The following NELL2 variants were observed in gnomAD, a reference collection of about 807,000 sequenced individuals.
NELL2 encodes the protein neural EGFL like 2.
A neutral mutation model predicts 109.6 loss-of-function variants in NELL2; 41 were observed. The ratio of observed to expected loss-of-function variants is 0.37; its 90% confidence interval spans 0.29 to 0.49. The LOEUF is 0.49. NELL2 is among the 20% of genes least tolerant of loss of function. The pLI is 0.98. For synonymous variants in NELL2, 355 were observed against 344.7 expected, an observed-to-expected ratio of 1.03 and a Z score of -0.33; for missense variants, 900 against 1,008.3, an observed-to-expected ratio of 0.89 and a Z score of 1.45.
intron 12 of NELL2, among the ~76,000 whole-genome samples, chr12:44,694,011 C>A (rs1370141472): frequency 6.6e-6 from 1 of 152,106 alleles, no homozygotes; most frequent in Admixed American, 6.6e-5. Flanking sequence ...CATTTGGAAA[C>A]ATCAGAAATA....
intron 13 of NELL2, among the ~76,000 whole-genome samples, chr12:44,663,363 G>C (rs1309917704): frequency 6.6e-6 from 1 of 152,116 alleles, no homozygotes; most frequent in Non-Finnish European, 1.5e-5. Flanking sequence ...TCATAATAGA[G>C]AGAAAATTTA....
Position 44,765,469 on chromosome 12 carries a change from T to C in NELL2, c.994+9278A>G, listed in dbSNP as rs564946709. 5.3e-5 allele frequency among the ~76,000 whole-genome samples: 8 copies of C among 152,246 alleles called. No homozygotes were observed. In the East Asian group the frequency reaches 1.4e-3, roughly 26 times the overall value. The stretch of plus-strand genomic sequence containing the variant: ...GGCTTAACCCAAATTCCAGAGACCA[T>C]GTAGCCAGTTCCCTAATATAGACAA... On this transcript the variant is annotated intron_variant, in intron 9 of 19. Transcript: ENST00000429094.
At position 44,867,314 on chromosome 12, in the gene NELL2, G is replaced by T. The variant is rs144465445; in HGVS notation, c.184+7911C>A. 2.9e-3 allele frequency among the ~76,000 whole-genome samples: 443 copies of T among 152,272 alleles called. 4 individuals carry two copies. The Middle Eastern group carries it at 0.031, about 11-fold the overall frequency. ...AGTAGGATTTATCCCAAGGAGGCAA[G>T]AATGGCTCAACATACACAAATCTAT... On this transcript the variant is annotated intron_variant, in intron 2 of 19. Coordinates refer to ENST00000429094, the MANE Select transcript of NELL2 (RefSeq NM_001145108.2).
intron 12 of NELL2, among the ~76,000 whole-genome samples, chr12:44,682,402 T>C (rs1353561668): frequency 6.6e-6 from 1 of 152,030 alleles, no homozygotes; most frequent in Non-Finnish European, 1.5e-5. Context: ...ACTTTTGCTG[T>C]GCAGAAGCTC....
chr12:44,643,033 C>T (rs951695044), intron 13 of NELL2, among the ~76,000 whole-genome samples: 8 of 152,178 alleles, frequency 5.3e-5, no homozygotes, highest in African/African-American at 9.7e-5. Flanking sequence ...AATACAAACA[C>T]GGATTCAGAG....
At chr12:44,607,109 G>T in intron 15 of NELL2, 60 bp downstream of exon 15, 2 of 1,385,762 alleles carry the variant, frequency 1.4e-6, no homozygotes, top group South Asian at 1.3e-5. Flanking sequence ...TTTTCCTCAT[G>T]GATTACTTTA....
chr12:44,665,392 G>T, intron 13 of NELL2, 92 bp downstream of exon 13: 1 of 1,067,430 alleles, frequency 9.4e-7, no homozygotes. Flanking sequence ...TGTATTTATG[G>T]TATACTTATC....
intron 12 of NELL2, among the ~76,000 whole-genome samples, chr12:44,689,755 G>C (rs1948842930): frequency 6.6e-6 from 1 of 152,192 alleles, no homozygotes; most frequent in African/African-American, 2.4e-5. Context: ...AGCTAGGAAT[G>C]TGGGCTGGCA....
intron 12 of NELL2, among the ~76,000 whole-genome samples, chr12:44,679,032 T>G (rs889424407): frequency 6.6e-6 from 1 of 152,098 alleles, no homozygotes; most frequent in Non-Finnish European, 1.5e-5. Flanking sequence ...CATAATTAAA[T>G]GCTGATGGGA....
At chr12:44,800,766 T>C (rs918791479) in intron 3 of NELL2, among the ~76,000 whole-genome samples, 1 of 152,188 alleles carries the variant, frequency 6.6e-6, no homozygotes, top group Non-Finnish European at 1.5e-5. Context: ...AACAGCTTTA[T>C]AGGTAACATA....
chr12:44,679,000 T>TAG (rs1471729413), intron 12 of NELL2, among the ~76,000 whole-genome samples: 2 of 151,950 alleles, frequency 1.3e-5, no homozygotes, highest in Admixed American at 6.6e-5. Flanking sequence ...AGAAGGGATG[T>TAG]AGAGTTAAGG....
chr12:44,620,120 TG>T (rs1274793315), intron 13 of NELL2, among the ~76,000 whole-genome samples: 32 of 132,474 alleles, frequency 2.4e-4, no homozygotes, highest in Non-Finnish European at 3.9e-4. Context: ...GCCTGGGTTT[TG>T]TTTTTTTTTT....
At chr12:44,891,304 G>T (rs1014422373) in intron 1 of NELL2, among the ~76,000 whole-genome samples, 1 of 152,284 alleles carries the variant, frequency 6.6e-6, no homozygotes, top group African/African-American at 2.4e-5. Context: ...GACTATACCA[G>T]TGATGATACC....
intron 9 of NELL2, among the ~76,000 whole-genome samples, chr12:44,771,469 A>C (rs544341163): frequency 6.6e-6 from 1 of 152,360 alleles, no homozygotes; most frequent in South Asian, 2.1e-4. Context: ...AGATGGAGAT[A>C]ATACGTACTT....
At chr12:44,675,871 G>A (rs1008963848) in intron 12 of NELL2, among the ~76,000 whole-genome samples, 3 of 152,084 alleles carry the variant, frequency 2.0e-5, no homozygotes, top group Non-Finnish European at 4.4e-5. Flanking sequence ...TAGACCCCAG[G>A]TTTAAAATTA....
At chr12:44,874,838 A>G (rs1214978829) in intron 2 of NELL2, among the ~76,000 whole-genome samples, 3 of 152,214 alleles carry the variant, frequency 2.0e-5, no homozygotes, top group Non-Finnish European at 2.9e-5. Flanking sequence ...ATCGTACCTG[A>G]AACTTTCAGA....
In NELL2 at chr12:44,843,264, T is replaced by C. The variant is rs138012298; in HGVS notation, c.185-27128A>G. 6.5e-3 allele frequency among the ~76,000 whole-genome samples: 983 copies of C among 151,350 alleles called. 14 individuals carry two copies. The highest frequency in any genetic ancestry group is 0.023 in the African/African-American group (930 of 41,288). On this transcript the variant is annotated intron_variant, in intron 2 of 19. Transcript: ENST00000429094. ...AATAAATAATTAAACAGAAACTTCATAAAGGAATCTATTGGAATGGCAAAT... is the reference window on the plus strand; with the variant it reads ...AATAAATAATTAAACAGAAACTTCACAAAGGAATCTATTGGAATGGCAAAT...
At chr12:44,786,706 A>T (rs1942186295) in intron 3 of NELL2, among the ~76,000 whole-genome samples, 1 of 152,186 alleles carries the variant, frequency 6.6e-6, no homozygotes, top group Non-Finnish European at 1.5e-5. Context: ...ATAAAAAAGG[A>T]TGAGTTCTTG....
chr12:44,827,366 T>G (rs758718961), intron 2 of NELL2, among the ~76,000 whole-genome samples: 29 of 151,778 alleles, frequency 1.9e-4, no homozygotes, highest in Non-Finnish European at 3.5e-4. Context: ...CTATAGTCAC[T>G]CTGTTGTGCT....
Sources: allele counts gnomAD v4.1 joint callset (sites outside exome capture counted in the v4.1 genomes callset), GRCh38; gene constraint gnomAD v4.1.1; transcripts MANE v1.5; gene names NCBI Gene and HGNC (gene_info 2026-07-23, HGNC 2026-07-21).